Variants in ANK1 observed in about 807,000 individuals in gnomAD.
The protein encoded by ANK1 is ankyrin-1.
In ANK1, 51 loss-of-function variants were observed where a neutral mutation model predicts 210.4. The observed-to-expected ratio is 0.24, with a 90% CI of 0.19 to 0.31. The LOEUF is 0.31. Among genes scored for constraint, ANK1 ranks in the 10% least tolerant of loss-of-function variants. The probability of loss-of-function intolerance (pLI) is 1.00; values close to 1 mark genes in which losing one functional copy is unlikely to be tolerated. For missense variants in ANK1, 2,051 were observed against 2,504.4 expected (o/e 0.82, Z 3.86); for synonymous variants, 967 against 1,025.9 (o/e 0.94, Z 1.10).
chr8:41,707,683 C>T (rs1298498795), intron 17 of ANK1, among the ~76,000 whole-genome samples: 2 of 152,148 alleles, frequency 1.3e-5, no homozygotes, highest in African/African-American at 4.8e-5. Flanking sequence ...GCAAAGCTCA[C>T]ATTAAGTGGG....
At chr8:41,725,497 G>C (rs980194723) in intron 6 of ANK1, among the ~76,000 whole-genome samples, 2 of 152,140 alleles carry the variant, frequency 1.3e-5, no homozygotes, top group Non-Finnish European at 2.9e-5. Context: ...GACCCGCCCT[G>C]CCCGCCTGGA....
chr8:41,721,089 T>C (rs1001408900), intron 9 of ANK1, among the ~76,000 whole-genome samples: 5 of 152,190 alleles, frequency 3.3e-5, no homozygotes, highest in African/African-American at 1.2e-4. Context: ...TGCTGCAGTC[T>C]TAACCCCCAG....
intron 20 of ANK1, among the ~76,000 whole-genome samples, chr8:41,703,443 TATATATA>T (rs1483466743): frequency 3.6e-4 from 26 of 71,270 alleles, no homozygotes; most frequent in East Asian, 1.9e-3. Flanking sequence ...TATATATATA[TATATATA>T]TTTTTTTTTT....
At chr8:41,659,812 C>T (rs1004078537) in intron 42 of ANK1, among the ~76,000 whole-genome samples, 18 of 151,546 alleles carry the variant, frequency 1.2e-4, no homozygotes, top group East Asian at 1.2e-3. Flanking sequence ...TAGTGTGGTC[C>T]GGTCCTTAAT....
intron 1 of ANK1, among the ~76,000 whole-genome samples, chr8:41,886,613 A>G (rs537216638): frequency 2.5e-4 from 38 of 152,336 alleles, no homozygotes; most frequent in African/African-American, 8.4e-4. Context: ...CTGACGGAGG[A>G]CTTGACATTG....
chr8:41,730,465 T>A (rs1375579588), intron 3 of ANK1, among the ~76,000 whole-genome samples: 1 of 151,872 alleles, frequency 6.6e-6, no homozygotes, highest in Non-Finnish European at 1.5e-5. Flanking sequence ...TTTTTTTTTT[T>A]TTAAAGGCAT....
At chr8:41,691,758 T>G (rs543608346) in intron 31 of ANK1, among the ~76,000 whole-genome samples, 11 of 152,346 alleles carry the variant, frequency 7.2e-5, no homozygotes, top group Admixed American at 2.0e-4. Flanking sequence ...ATTGGCAAGT[T>G]ACTTAACCTC....
chr8:41,725,166 C>T (rs1305255931), intron 6 of ANK1, among the ~76,000 whole-genome samples: 7 of 152,250 alleles, frequency 4.6e-5, no homozygotes. Flanking sequence ...CAGGCCTAAC[C>T]CCACCCAGGT....
chr8:41,836,463 G>A (rs565653827), intron 1 of ANK1, among the ~76,000 whole-genome samples: 10 of 152,354 alleles, frequency 6.6e-5, no homozygotes, highest in South Asian at 2.1e-4. Context: ...GAGCACAGCC[G>A]TGCTGGGCCC....
chr8:41,808,240 C>G (rs894351039), intron 1 of ANK1, among the ~76,000 whole-genome samples: 1 of 152,190 alleles, frequency 6.6e-6, no homozygotes, highest in Admixed American at 6.5e-5. Flanking sequence ...ACCCAAGCTC[C>G]CATGGGGTTG....
chr8:41,857,228 T>C (rs1336933266), intron 1 of ANK1, among the ~76,000 whole-genome samples: 4 of 150,828 alleles, frequency 2.7e-5, no homozygotes, highest in Admixed American at 2.6e-4. Flanking sequence ...CTGAAGAAAT[T>C]CTCTACTCTA....
chr8:41,868,081 A>T (rs1197867989), intron 1 of ANK1, among the ~76,000 whole-genome samples: 2 of 152,112 alleles, frequency 1.3e-5, no homozygotes, highest in African/African-American at 4.8e-5. Flanking sequence ...CTGGTCTTGG[A>T]CTCCTGACTT....
At position 41,791,194 on chromosome 8, in the gene ANK1, G is replaced by GTT. The variant is rs71239082; in HGVS notation, c.27+6316_27+6317dup. ...TTCAGCTTTTCTCAGTACTAACTTT[G>GTT]TTTTTTTTTTTTTTTTTTTTTTTTT... On this transcript the variant is annotated intron_variant, in intron 1 of 42. Transcript: ENST00000289734. Among the ~76,000 whole-genome samples the GTT allele has an allele frequency of 6.6e-4, 46 of 70,150 alleles. 2 individuals carry two copies. The highest frequency in any genetic ancestry group is 9.0e-4 in the East Asian group (2 of 2,222). 46.0% of individuals were successfully genotyped at this position (70,150 alleles called of 152,430 possible).
chr8:41,731,737 A>G (rs537363652), intron 3 of ANK1, among the ~76,000 whole-genome samples: 1 of 152,332 alleles, frequency 6.6e-6, no homozygotes, highest in Admixed American at 6.5e-5. Context: ...TTCTAAAAAT[A>G]AAAAAGACAC....
chr8:41,684,698 C>G lies in ANK1; in HGVS notation c.4391-8G>C. On this transcript the variant is annotated splice_polypyrimidine_tract_variant and splice_region_variant and intron_variant, in intron 36 of 42. Transcript: ENST00000289734. Reference sequence around the variant, plus strand: ...CTGTGTACAGATTCTCCACTGTGGGCGCAGAAGAGAGATGCACGTTACTCC... The same window carrying G: ...CTGTGTACAGATTCTCCACTGTGGGGGCAGAAGAGAGATGCACGTTACTCC... 6.2e-7 allele frequency: 1 copy of G among 1,613,236 alleles called. No homozygotes were observed. Among genetic ancestry groups the G allele is most frequent in the Non-Finnish European group, 8.5e-7 (1 of 1,179,800 alleles).
chr8:41,783,584 A>C (rs780381093), intron 1 of ANK1, among the ~76,000 whole-genome samples: 3 of 151,152 alleles, frequency 2.0e-5, no homozygotes, highest in Non-Finnish European at 2.9e-5. Context: ...AGGTCTCTCC[A>C]ACAAAGGAAA....
Position 41,694,838 on chromosome 8 carries a change from C to T in ANK1, c.3116-35G>A, listed in dbSNP as rs917251468. 8 of 1,606,510 alleles carry T rather than the reference C, an allele frequency of 5.0e-6. No homozygotes were observed. The highest frequency in any genetic ancestry group is 1.3e-5 in the African/African-American group (1 of 74,790). On this transcript the variant is annotated intron_variant, in intron 27 of 42. Coordinates refer to ENST00000289734, the MANE Select transcript of ANK1 (RefSeq NM_000037.4). The surrounding 1 kb of genome is among the most constrained non-coding windows in gnomAD (Gnocchi z 5.7). ...CACACACAGGCCACCACCCCGGTCA[C>T]ATCAGGCACAGGTTCAGGACTTCCA...
At chr8:41,896,564 G>T in exon 1 of ANK1, 1 of 1,497,466 alleles carries the variant, frequency 6.7e-7, no homozygotes, top group South Asian at 1.3e-5. Context: ...AGAAGGGGAA[G>T]GGGGTCTCTG....
Position 41,664,836 on chromosome 8 carries a change from G to A in ANK1, c.5395-1094C>T, listed in dbSNP as rs201816578. The A allele has an allele frequency of 6.2e-6, 10 of 1,611,938 alleles. No individual in the cohort carries two copies. Among genetic ancestry groups the A allele is most frequent in the East Asian group, 2.2e-5 (1 of 44,788 alleles). On this transcript the variant is annotated intron_variant, in intron 39 of 42. Transcript: ENST00000289734. The stretch of plus-strand genomic sequence containing the variant: ...GAAGACCCGCCGCCGGACCACCCTG[G>A]TGGAGATGGTCTCCTCGTCGTCACT...
Sources: gnomAD v4.1 joint callset for allele counts (sites outside exome capture counted in the v4.1 genomes callset) on GRCh38, gnomAD v4.1.1 for gene constraint, Gnocchi (gnomAD v3.1) non-coding constraint, MANE v1.5 for transcripts, NCBI Gene and HGNC (gene_info 2026-07-23, HGNC 2026-07-21) for gene names.